The following EXOC4 variants were observed in gnomAD, a reference collection of about 807,000 sequenced individuals.
EXOC4 encodes SEC8-like 1.
Under a neutral mutation model 107.2 loss-of-function variants are expected in EXOC4, and 71 were observed. The observed-to-expected ratio is 0.66, with a 90% CI of 0.55 to 0.81. EXOC4 has a LOEUF of 0.81. Ranked by LOEUF, EXOC4 falls within the 30% of genes least tolerant of loss-of-function variation. The pLI is 0.00. For synonymous variants in EXOC4, 456 were observed against 441.2 expected, an observed-to-expected ratio of 1.03 and a Z score of -0.42; for missense variants, 1,108 against 1,189.6, an observed-to-expected ratio of 0.93 and a Z score of 1.01.
intron 13 of EXOC4, among the ~76,000 whole-genome samples, chr7:133,935,272 T>C (rs1800273637): frequency 6.6e-6 from 1 of 152,048 alleles, no homozygotes; most frequent in African/African-American, 2.4e-5. Context: ...CCAACTAAGA[T>C]TGCTTAAGAG....
chr7:133,802,959 A>AG (rs1554403208), intron 10 of EXOC4, among the ~76,000 whole-genome samples: 2 of 152,082 alleles, frequency 1.3e-5, no homozygotes, highest in Non-Finnish European at 2.9e-5. Flanking sequence ...GGGAAATGAC[A>AG]GAAAAAAAAA....
intron 9 of EXOC4, among the ~76,000 whole-genome samples, chr7:133,568,521 T>C (rs1187496178): frequency 6.6e-6 from 1 of 152,186 alleles, no homozygotes; most frequent in Non-Finnish European, 1.5e-5. Flanking sequence ...GTTTGGCAAT[T>C]ATCTAGGCAT....
chr7:133,582,070 G>A (rs528575786), intron 9 of EXOC4, among the ~76,000 whole-genome samples: 37 of 152,254 alleles, frequency 2.4e-4, no homozygotes, highest in Middle Eastern at 3.4e-3. Context: ...TGTGGGGATT[G>A]CAGTTTGAGA....
At chr7:133,573,742 C>T (rs555022202) in intron 9 of EXOC4, among the ~76,000 whole-genome samples, 2 of 152,280 alleles carry the variant, frequency 1.3e-5, no homozygotes, top group African/African-American at 2.4e-5. Flanking sequence ...CAACCTTCCA[C>T]CCCCGGCCTC....
chr7:133,428,306 CGTTAAGGA>C (rs940916631), intron 7 of EXOC4, among the ~76,000 whole-genome samples: 6 of 152,174 alleles, frequency 3.9e-5, no homozygotes, highest in Non-Finnish European at 8.8e-5. Flanking sequence ...CCACACTGAG[CGTTAAGGA>C]GTTCTTTCTC....
intron 3 of EXOC4, among the ~76,000 whole-genome samples, chr7:133,296,164 G>T (rs1056744124): frequency 6.6e-6 from 1 of 152,120 alleles, no homozygotes; most frequent in African/African-American, 2.4e-5. Flanking sequence ...AAATGATTGG[G>T]TCTTTAACAT....
At chr7:133,808,491 C>A (rs893706032) in intron 10 of EXOC4, among the ~76,000 whole-genome samples, 1 of 152,172 alleles carries the variant, frequency 6.6e-6, no homozygotes, top group Non-Finnish European at 1.5e-5. Flanking sequence ...AGGCTTCTTT[C>A]CTTCTTTGCC....
intron 14 of EXOC4, among the ~76,000 whole-genome samples, chr7:133,981,005 A>G (rs1226004412): frequency 6.6e-6 from 1 of 152,178 alleles, no homozygotes; most frequent in African/African-American, 2.4e-5. Flanking sequence ...GTACTTAACT[A>G]TTATCTTCAC....
intron 17 of EXOC4, among the ~76,000 whole-genome samples, chr7:134,036,068 G>C (rs1795380506): frequency 6.6e-6 from 1 of 152,148 alleles, no homozygotes; most frequent in Admixed American, 6.5e-5. Flanking sequence ...ATGAACCTAA[G>C]ACTTAAACGT....
rs61548710 is a variant in EXOC4, at chr7:133,604,710, C to CT, written c.1418-25304dup. On this transcript the variant is annotated intron_variant, in intron 9 of 17. Transcript: ENST00000253861. The stretch of plus-strand genomic sequence containing the variant: ...TCTTTCCTTCCTTCCTTCCTTCTTT[C>CT]TTTTTTTTTTTTTTTTTTTTTTTTT... Among the ~76,000 whole-genome samples the CT allele has an allele frequency of 7.2e-3, 360 of 50,262 alleles. 41 individuals carry two copies. Among genetic ancestry groups the CT allele is most frequent in the African/African-American group, 8.1e-3 (104 of 12,866 alleles). The allele number at this position is 50,262 out of a possible 152,430, so 33.0% of individuals were successfully genotyped here.
intron 17 of EXOC4, among the ~76,000 whole-genome samples, chr7:134,055,652 T>G (rs1218113711): frequency 6.6e-6 from 1 of 152,192 alleles, no homozygotes; most frequent in Admixed American, 6.5e-5. Flanking sequence ...TGGTCGTCAT[T>G]TGGAGCAGAA....
intron 7 of EXOC4, among the ~76,000 whole-genome samples, chr7:133,390,531 C>G (rs1257936669): frequency 6.6e-6 from 1 of 152,088 alleles, no homozygotes; most frequent in Non-Finnish European, 1.5e-5. Flanking sequence ...TGGGCGGGGC[C>G]AGCTATAGGG....
At chr7:133,361,138 A>C (rs2150666327) in intron 6 of EXOC4, among the ~76,000 whole-genome samples, 1 of 152,326 alleles carries the variant, frequency 6.6e-6, no homozygotes, top group South Asian at 2.1e-4. Context: ...AAAATGCCCA[A>C]CAAATTATAT....
intron 10 of EXOC4, 131 bp from the exon 11 acceptor site, chr7:133,817,194 G>A: frequency 1.7e-6 from 1 of 598,344 alleles, no homozygotes. Context: ...AAATTATATA[G>A]AGATGAGTAT....
At chr7:134,002,281 G>T (rs532657285) in intron 15 of EXOC4, among the ~76,000 whole-genome samples, 1 of 152,244 alleles carries the variant, frequency 6.6e-6, no homozygotes, top group East Asian at 1.9e-4. Context: ...TCTCTTGGAT[G>T]AACTGCTTAT....
At chr7:134,036,189 T>C (rs1203990453) in intron 17 of EXOC4, among the ~76,000 whole-genome samples, 1 of 152,080 alleles carries the variant, frequency 6.6e-6, no homozygotes, top group Non-Finnish European at 1.5e-5. Flanking sequence ...CAAACGTAAT[T>C]CAGAAAAAAA....
intron 1 of EXOC4, among the ~76,000 whole-genome samples, chr7:133,257,783 G>A (rs994829610): frequency 1.3e-5 from 2 of 152,216 alleles, no homozygotes; most frequent in Non-Finnish European, 1.5e-5. Context: ...CTTCACAGAA[G>A]TTGAAATTTC....
intron 10 of EXOC4, among the ~76,000 whole-genome samples, chr7:133,704,788 A>G (rs1794733135): frequency 6.6e-6 from 1 of 152,128 alleles, no homozygotes; most frequent in Non-Finnish European, 1.5e-5. Flanking sequence ...CTGAAGTTGA[A>G]CTGTGACTTG....
At chr7:133,419,363 G>C (rs7783217) in intron 7 of EXOC4, among the ~76,000 whole-genome samples, 43,432 of 151,982 alleles carry the variant, frequency 0.29, 6,485 homozygotes, top group South Asian at 0.41. Flanking sequence ...AGTGAAGGAA[G>C]ACGTTTGAAA....
Sources: allele counts gnomAD v4.1 joint callset (sites outside exome capture counted in the v4.1 genomes callset), GRCh38; gene constraint gnomAD v4.1.1; transcripts MANE v1.5; gene names NCBI Gene and HGNC (gene_info 2026-07-23, HGNC 2026-07-21).